LTBP4: variants seen among roughly 807,000 people sequenced by gnomAD.
LTBP4 encodes latent-transforming growth factor beta-binding protein 4.
Under a neutral mutation model 180.2 loss-of-function variants are expected in LTBP4, and 93 were observed. The ratio of observed to expected loss-of-function variants is 0.52; its 90% CI spans 0.44 to 0.61. LTBP4 has a LOEUF of 0.61. Among genes scored for constraint, LTBP4 ranks in the 20% least tolerant of loss-of-function variants. The pLI, the probability that LTBP4 is intolerant of heterozygous loss-of-function variation, is 0.00. For synonymous variants in LTBP4, 947 were observed against 934.5 expected (o/e 1.01, Z -0.24); for missense variants, 2,116 against 2,256.5 (o/e 0.94, Z 1.26).
In LTBP4 at chr19:40,625,279, TATATATATATATATATATATATATATA is replaced by T. The variant is rs2081619635; in HGVS notation, c.3833-577_3833-551del. On this transcript the variant is annotated intron_variant, in intron 26 of 29. Transcript: ENST00000396819. The stretch of plus-strand genomic sequence containing the variant: ...ATATATATATATATATATATATATA[TATATATATATATATATATATATATATA>T]TATATATATATTTTTTTTTTTAAAG... Among the ~76,000 whole-genome samples, 58 of 9,638 alleles carry T rather than the reference TATATATATATATATATATATATATATA, an allele frequency of 6.0e-3. 6 individuals are homozygous for T. Among genetic ancestry groups the T allele is most frequent in the Middle Eastern group, 0.067 (2 of 30 alleles). The allele number at this position is 9,638 out of a possible 152,430, so 6.3% of individuals were successfully genotyped here. A position where few individuals can be genotyped will look rare whatever the true frequency, so the allele number is the denominator to read the frequency against.
rs778675277 is a variant in LTBP4, at chr19:40,611,405, T to C, written c.2053+11T>C. 2.5e-6 allele frequency: 4 copies of C among 1,600,124 alleles called. No individual in the cohort carries two copies. The African/African-American group carries it at 4.0e-5, about 16-fold the overall frequency. On this transcript the variant is annotated intron_variant, in intron 13 of 29. Coordinates refer to ENST00000396819, the MANE Select transcript of LTBP4 (RefSeq NM_001042545.2). This position sits in a 1 kb window ranked among gnomAD's most constrained non-coding sequence, Gnocchi z 4.4. Reference sequence around the variant, plus strand: ...GGGCCCCCTGCCAAGGTGAGGGTGCTGAGCCCAGCCCTACTCCATCACTGT... The same window carrying C: ...GGGCCCCCTGCCAAGGTGAGGGTGCCGAGCCCAGCCCTACTCCATCACTGT...
At position 40,606,237 on chromosome 19, in the gene LTBP4, C is replaced by T; in HGVS notation, c.798C>T (p.Asn266=). The T allele has an allele frequency of 1.3e-6, 2 of 1,587,410 alleles. No individual in the cohort carries two copies. The highest frequency in any genetic ancestry group is 2.3e-5 in the South Asian group (2 of 86,794). Residue 266 remains asparagine, a synonymous_variant, in exon 5 of 30, where the codon AAC becomes AAT. Transcript: ENST00000396819. ...ACCCCTCTCCTCTCGCCACAGGGAA[C>T]TCCGAAAGAGTGAGCGCCCCAGATG... ...DCQLCSERLG[N]SERVSAPDGP... is the part of the protein sequence containing the mutation.
Position 40,611,380 on chromosome 19 carries a change from G to A in LTBP4, c.2039G>A (p.Gly680Glu). Residue 680 changes from glycine (G) to glutamate (E), a missense_variant, in exon 13 of 30, where the codon GGG becomes GAG. Transcript: ENST00000396819. This position sits in a 1 kb window ranked among gnomAD's most constrained non-coding sequence, Gnocchi z 4.4. ...GCTGGCTTCCGCTCCCGAGGGCCCG[G>A]GGCCCCCTGCCAAGGTGAGGGTGCT... ...CPAGFRSRGP[G>E]APCQDVDECA... 1 of 1,606,644 alleles carries A rather than the reference G, an allele frequency of 6.2e-7. No homozygotes were observed. Among genetic ancestry groups the A allele is most frequent in the Non-Finnish European group, 8.5e-7 (1 of 1,177,814 alleles).
Position 40,613,084 on chromosome 19 carries a change from G to C in LTBP4, c.2319G>C (p.Ser773=). The C allele has an allele frequency of 6.2e-7, 1 of 1,611,688 alleles. No homozygotes were observed. The highest frequency in any genetic ancestry group is 1.3e-5 in the African/African-American group (1 of 74,978). The part of the protein sequence containing the change: ...GRCTDVDECS[S]GAPPCGPHGH... ...CCACAGATGTGGACGAATGCAGTTC[G>C]GGTGCCCCTCCCTGTGGTCCCCACG... The change falls in exon 16 of 30, where the codon TCG becomes TCC. Residue 773 remains serine (S), a synonymous_variant. Coordinates refer to ENST00000396819, the MANE Select transcript of LTBP4 (RefSeq NM_001042545.2). The surrounding 1 kb of genome is among the most constrained non-coding windows in gnomAD (Gnocchi z 5.0).
At chr19:40,612,385 CA>C (rs1447239510) in intron 15 of LTBP4, among the ~76,000 whole-genome samples, 193 bp downstream of exon 15, 1 of 152,190 alleles carries the variant, frequency 6.6e-6, no homozygotes, top group African/African-American at 2.4e-5. Context: ...CCCAACTTGA[CA>C]GTAACATTTG....
chr19:40,613,519 C>T lies in LTBP4; in HGVS notation c.2547C>T (p.Ala849=). Reference sequence around the variant, plus strand: ...GCTACCGACCCGGACCCCGCGGAGCCTCTTGCCTCGGTTCGTACCCGGGCT... The same window carrying T: ...GCTACCGACCCGGACCCCGCGGAGCTTCTTGCCTCGGTTCGTACCCGGGCT... The part of the protein sequence containing the change: ...APGYRPGPRG[A]SCLDVDECSE... The change falls in exon 17 of 30, where the codon GCC becomes GCT. Residue 849 remains alanine, a synonymous_variant. Transcript: ENST00000396819. The surrounding 1 kb of genome is among the most constrained non-coding windows in gnomAD (Gnocchi z 5.0). 1 of 1,570,214 alleles carries T rather than the reference C, an allele frequency of 6.4e-7. No homozygotes were observed. Among genetic ancestry groups the T allele is most frequent in the Non-Finnish European group, 8.6e-7 (1 of 1,158,796 alleles).
At chr19:40,602,139 C>CG (rs1188346970) in intron 1 of LTBP4, among the ~76,000 whole-genome samples, 3 of 56,222 alleles carry the variant, frequency 5.3e-5, no homozygotes, top group Admixed American at 2.8e-4. Flanking sequence ...GGGACAGAGA[C>CG]GGGGGTTGTG....
chr19:40,606,000 A>G lies in LTBP4; in HGVS notation c.793+169A>G, dbSNP rs772488213. Among the ~76,000 whole-genome samples the G allele has an allele frequency of 4.0e-5, 6 of 151,600 alleles. No homozygotes were observed. The highest frequency in any genetic ancestry group is 7.4e-5 in the Non-Finnish European group (5 of 67,898). ...TTTTCATACCGCTCTGGGACCACCC[A>G]CCCCATTTTCTGACTTTGGCCACTC... On this transcript the variant is annotated intron_variant, in intron 4 of 29. Transcript: ENST00000396819. This position sits in a 1 kb window ranked among gnomAD's most constrained non-coding sequence, Gnocchi z 5.5.
intron 11 of LTBP4, 137 bp downstream of exon 11, chr19:40,610,008 T>G (rs2303727): frequency 8.1e-7 from 1 of 1,230,710 alleles, no homozygotes; most frequent in African/African-American, 1.5e-5. Context: ...CCCTTGGCCC[T>G]GCCCTTCCCT....
At chr19:40,621,131 C>CG (rs2081583798) in intron 22 of LTBP4, among the ~76,000 whole-genome samples, 1 of 151,910 alleles carries the variant, frequency 6.6e-6, no homozygotes, top group Admixed American at 6.6e-5. Flanking sequence ...TTAGTACAGA[C>CG]GGGGTTTCAT....
chr19:40,602,970 C>G (rs2081434805), intron 1 of LTBP4, among the ~76,000 whole-genome samples: 1 of 152,116 alleles, frequency 6.6e-6, no homozygotes, highest in African/African-American at 2.4e-5. Flanking sequence ...GGCCCCACTA[C>G]TCAATTAAAA....
intron 28 of LTBP4, 114 bp from the exon 29 acceptor site, chr19:40,627,588 TGGA>T: frequency 7.1e-7 from 1 of 1,400,824 alleles, no homozygotes; most frequent in East Asian, 2.5e-5. Flanking sequence ...GCCACAGCCC[TGGA>T]GCGGGATGGA....
rs373809769 is a variant in LTBP4 at position 40,606,214 on chromosome 19, C to G, written c.794-19C>G. The G allele has an allele frequency of 3.0e-5, 47 of 1,572,736 alleles. No individual in the cohort carries two copies. Among genetic ancestry groups the G allele is most frequent in the Non-Finnish European group, 4.0e-5 (46 of 1,158,024 alleles). ...CTCTGCCCACCTGTCCCTGGCCCAC[C>G]CCTCTCCTCTCGCCACAGGGAACTC... On this transcript the variant is annotated intron_variant, in intron 4 of 29. Coordinates refer to ENST00000396819, the MANE Select transcript of LTBP4 (RefSeq NM_001042545.2).
rs1377130775 is a variant in LTBP4 at position 40,623,457 on chromosome 19, G to C, written c.3557-147G>C. Reference sequence around the variant, plus strand: ...CCTGAAGTGCTGGGATTTCAGGCATGAGCCACCGCTCCTGGCCTCTCCATC... The same window carrying C: ...CCTGAAGTGCTGGGATTTCAGGCATCAGCCACCGCTCCTGGCCTCTCCATC... On this transcript the variant is annotated intron_variant, in intron 24 of 29. Coordinates refer to ENST00000396819, the MANE Select transcript of LTBP4 (RefSeq NM_001042545.2). 10 of 1,025,720 alleles carry C rather than the reference G, an allele frequency of 9.7e-6. No homozygotes were observed. The East Asian group carries it at 2.4e-4, about 24-fold the overall frequency. 63.5% of individuals were successfully genotyped at this position (1,025,720 alleles called of 1,614,324 possible).
In LTBP4 at chr19:40,611,666, T is replaced by C. The variant is rs1376859138; in HGVS notation, c.2054-193T>C. Reference sequence around the variant, plus strand: ...GGCAGGCAACATGGAGTTGGTGCCTTAGCCCCCACCTTAGTAGCTGGAGAG... The same window carrying C: ...GGCAGGCAACATGGAGTTGGTGCCTCAGCCCCCACCTTAGTAGCTGGAGAG... On this transcript the variant is annotated intron_variant, in intron 13 of 29. Transcript: ENST00000396819. The surrounding 1 kb of genome is among the most constrained non-coding windows in gnomAD (Gnocchi z 4.4). 2.0e-5 allele frequency among the ~76,000 whole-genome samples: 3 copies of C among 152,108 alleles called. No homozygotes were observed.
chr19:40,613,166 G>A lies in LTBP4; in HGVS notation c.2401G>A (p.Ala801Thr). The A allele has an allele frequency of 6.3e-7, 1 of 1,580,132 alleles. No individual in the cohort carries two copies. The highest frequency in any genetic ancestry group is 8.6e-7 in the Non-Finnish European group (1 of 1,163,514). ...CTGCAGCTGCGCGCCAGGCTACCGG[G>A]CGCCGTCGGGTCGGCCCGGGCCCTG... ...FRCSCAPGYR[A>T]PSGRPGPCAD... The change falls in exon 16 of 30, where the codon GCG becomes ACG. Residue 801 changes from alanine to threonine, a missense_variant. This residue lies in a region of LTBP4 where 877 missense variants were observed against 873.6 expected (regional missense o/e 1.00). Coordinates refer to ENST00000396819, the MANE Select transcript of LTBP4 (RefSeq NM_001042545.2). The surrounding 1 kb of genome is among the most constrained non-coding windows in gnomAD (Gnocchi z 5.0).
At chr19:40,603,331 G>A (rs953794147) in intron 1 of LTBP4, among the ~76,000 whole-genome samples, 3 of 151,902 alleles carry the variant, frequency 2.0e-5, no homozygotes, top group African/African-American at 7.2e-5. Flanking sequence ...AAAGCCTTTG[G>A]CACTTAATCC....
upstream of LTBP4, chr19:40,597,202 G>A (rs776025967): frequency 7.7e-6 from 11 of 1,427,436 alleles, no homozygotes; most frequent in Middle Eastern, 2.5e-4. Context: ...TGGACAGACC[G>A]CCCGCCCGGA....
chr19:40,598,954 G>T (rs1864074), upstream of LTBP4, among the ~76,000 whole-genome samples: 76,260 of 151,990 alleles, frequency 0.5, 21,000 homozygotes, highest in African/African-American at 0.74. Flanking sequence ...CAATAAAATC[G>T]TACGCCAAAA....
Sources: allele counts gnomAD v4.1 joint callset (sites outside exome capture counted in the v4.1 genomes callset), GRCh38; gene constraint gnomAD v4.1.1; regional missense constraint gnomAD v4.1.1; non-coding constraint Gnocchi (gnomAD v3.1); transcripts MANE v1.5; gene names NCBI Gene and HGNC (gene_info 2026-07-23, HGNC 2026-07-21).